Variants in EPHB1 observed in about 807,000 individuals in gnomAD.
EPHB1 encodes the protein ephrin type-B receptor 1.
EPHB1 carries 30 observed loss-of-function variants against 94.4 expected under a neutral mutation model. The observed-to-expected ratio is 0.32, with a 90% CI of 0.24 to 0.43. The LOEUF (loss-of-function observed/expected upper bound fraction) is 0.43, where lower values mean the gene tolerates loss of function less well. EPHB1 is among the 20% of genes least tolerant of loss of function. EPHB1 has a pLI of 1.00. For missense variants in EPHB1, 1,055 were observed against 1,308.3 expected (o/e 0.81, Z 2.99); for synonymous variants, 522 against 489.1 (o/e 1.07, Z -0.89).
chr3:134,857,847 G>C (rs976400815), intron 1 of EPHB1, among the ~76,000 whole-genome samples: 3 of 152,178 alleles, frequency 2.0e-5, no homozygotes, highest in Non-Finnish European at 4.4e-5. Flanking sequence ...GGATGTGCTA[G>C]TGAATCTAAG....
intron 3 of EPHB1, among the ~76,000 whole-genome samples, chr3:134,990,455 A>G (rs1324996592): frequency 6.6e-6 from 1 of 152,182 alleles, no homozygotes; most frequent in Non-Finnish European, 1.5e-5. Flanking sequence ...GTAATCCTCC[A>G]TATACTATTG....
intron 15 of EPHB1, among the ~76,000 whole-genome samples, chr3:135,257,576 C>T (rs1206228268): frequency 6.6e-6 from 1 of 152,006 alleles, no homozygotes; most frequent in East Asian, 1.9e-4. Flanking sequence ...TCTGCCCGTT[C>T]TCAGATCTCC....
intron 5 of EPHB1, among the ~76,000 whole-genome samples, chr3:135,137,929 A>C (rs1940679116): frequency 6.6e-6 from 1 of 152,216 alleles, no homozygotes; most frequent in South Asian, 2.1e-4. Flanking sequence ...AGGGGTAGGC[A>C]CCAGAAACGA....
intron 11 of EPHB1, among the ~76,000 whole-genome samples, chr3:135,195,046 C>T (rs1268956747): frequency 6.6e-6 from 1 of 152,056 alleles, no homozygotes; most frequent in Non-Finnish European, 1.5e-5. Flanking sequence ...GTTGAATAAA[C>T]AAAGTTGAAT....
chr3:134,882,749 C>T (rs9681134), intron 1 of EPHB1, among the ~76,000 whole-genome samples: 6,233 of 37,580 alleles, frequency 0.17, 647 homozygotes, highest in African/African-American at 0.32. Flanking sequence ...CTTCTTTCTT[C>T]CTTTCTTCCT....
intron 1 of EPHB1, among the ~76,000 whole-genome samples, chr3:134,873,930 G>A (rs2037555889): frequency 6.6e-6 from 1 of 152,182 alleles, no homozygotes; most frequent in Non-Finnish European, 1.5e-5. Context: ...ACTCAGGTTA[G>A]CAAGGAGAGA....
At chr3:134,933,851 C>A (rs1419584961) in intron 2 of EPHB1, among the ~76,000 whole-genome samples, 1 of 152,160 alleles carries the variant, frequency 6.6e-6, no homozygotes, top group African/African-American at 2.4e-5. Context: ...CAGGCTCAGT[C>A]TGCAAAAGGT....
chr3:134,832,183 A>G (rs984441419), intron 1 of EPHB1, among the ~76,000 whole-genome samples: 2 of 152,360 alleles, frequency 1.3e-5, no homozygotes, highest in Admixed American at 1.3e-4. Context: ...TTTATCAGGA[A>G]TTCAAATTTA....
chr3:134,855,934 G>A (rs2037106482), intron 1 of EPHB1, among the ~76,000 whole-genome samples: 1 of 152,150 alleles, frequency 6.6e-6, no homozygotes, highest in Non-Finnish European at 1.5e-5. Flanking sequence ...TCACATGGAG[G>A]AAGAGAGGAG....
chr3:135,188,413 T>C (rs1942385098), intron 10 of EPHB1, among the ~76,000 whole-genome samples: 1 of 152,162 alleles, frequency 6.6e-6, no homozygotes, highest in South Asian at 2.1e-4. Context: ...GAGAATTGCT[T>C]GAACCCGAAA....
intron 3 of EPHB1, among the ~76,000 whole-genome samples, chr3:135,005,835 C>T (rs1367758629): frequency 3.9e-5 from 6 of 152,198 alleles, no homozygotes; most frequent in Admixed American, 6.5e-5. Flanking sequence ...GGTGCACGCA[C>T]CCACTGACCT....
intron 1 of EPHB1, among the ~76,000 whole-genome samples, chr3:134,821,835 G>A (rs755592228): frequency 1.2e-4 from 18 of 152,204 alleles, no homozygotes; most frequent in Non-Finnish European, 2.6e-4. Flanking sequence ...TTGGGATACA[G>A]CCCTTCTCAA....
intron 4 of EPHB1, among the ~76,000 whole-genome samples, chr3:135,112,927 C>T (rs768946725): frequency 4.4e-4 from 67 of 152,182 alleles, no homozygotes; most frequent in Non-Finnish European, 1.0e-4. Context: ...TTTGCTCCAG[C>T]TGAGCTTTAC....
intron 1 of EPHB1, among the ~76,000 whole-genome samples, chr3:134,903,391 T>C (rs1278494732): frequency 2.0e-5 from 3 of 152,174 alleles, no homozygotes; most frequent in African/African-American, 7.2e-5. Flanking sequence ...ACTCTTCACA[T>C]CCAACCTCTC....
intron 15 of EPHB1, among the ~76,000 whole-genome samples, chr3:135,256,587 T>A (rs971995232): frequency 7.2e-5 from 11 of 152,216 alleles, no homozygotes; most frequent in African/African-American, 1.7e-4. Context: ...CCGAGAGATC[T>A]GCTGTTAGTC....
intron 3 of EPHB1, among the ~76,000 whole-genome samples, chr3:135,033,032 A>G (rs1397368311): frequency 1.3e-5 from 2 of 152,322 alleles, no homozygotes; most frequent in African/African-American, 4.8e-5. Flanking sequence ...AGCAAAGAGA[A>G]ACATGTTTGA....
At chr3:134,851,702 C>T (rs1209332847) in intron 1 of EPHB1, among the ~76,000 whole-genome samples, 1 of 152,134 alleles carries the variant, frequency 6.6e-6, no homozygotes, top group African/African-American at 2.4e-5. Context: ...GAGTTTTTTC[C>T]TATCTTTGAG....
In EPHB1 at chr3:134,951,456, A is replaced by G. The variant is rs2107715380; in HGVS notation, c.209A>G (p.Asn70Ser). 1 of 1,613,214 alleles carries G rather than the reference A, an allele frequency of 6.2e-7. No individual in the cohort carries two copies. ...AATGTCTTCGAGCCCAACCAGAACA[A>G]TTGGCTGCTCACCACCTTCATCAAC... ...VCNVFEPNQN[N>S]WLLTTFINRR... Residue 70 changes from asparagine to serine, a missense_variant, in exon 3 of 16, where the codon AAT becomes AGT. Transcript: ENST00000398015. The surrounding 1 kb of genome is among the most constrained non-coding windows in gnomAD (Gnocchi z 4.5).
At chr3:134,838,095 C>T (rs2036709318) in intron 1 of EPHB1, among the ~76,000 whole-genome samples, 1 of 152,132 alleles carries the variant, frequency 6.6e-6, no homozygotes. Flanking sequence ...TGGGCCATGC[C>T]CAAGCCCCCA....
Sources: allele counts gnomAD v4.1 joint callset (sites outside exome capture counted in the v4.1 genomes callset), GRCh38; gene constraint gnomAD v4.1.1; non-coding constraint Gnocchi (gnomAD v3.1); transcripts MANE v1.5; gene names NCBI Gene and HGNC (gene_info 2026-07-23, HGNC 2026-07-21).